COL5A1: variants seen among roughly 807,000 people sequenced by gnomAD.
The protein encoded by COL5A1 is collagen alpha-1(V) chain.
Under a neutral mutation model 263.7 loss-of-function variants are expected in COL5A1, and 16 were observed. The ratio of observed to expected loss-of-function variants is 0.06; its 90% CI spans 0.04 to 0.09. The LOEUF (loss-of-function observed/expected upper bound fraction) is 0.09, where lower values mean the gene tolerates loss of function less well. Among genes scored for constraint, COL5A1 ranks in the 10% least tolerant of loss-of-function variants. The pLI, the probability that COL5A1 is intolerant of heterozygous loss-of-function variation, is 1.00. For missense variants in COL5A1, 2,036 were observed against 2,540.5 expected, an observed-to-expected ratio of 0.80 and a Z score of 4.27; for synonymous variants, 1,012 against 1,004.5, an observed-to-expected ratio of 1.01 and a Z score of -0.14.
intron 18 of COL5A1, among the ~76,000 whole-genome samples, chr9:134,760,298 C>A (rs1447526486): frequency 1.0e-5 from 1 of 96,116 alleles, no homozygotes; most frequent in African/African-American, 5.1e-5. Flanking sequence ...CACCCCCACA[C>A]CCCCCACACA....
chr9:134,760,108 T>C (rs1190742359), intron 18 of COL5A1, among the ~76,000 whole-genome samples: 1 of 54,678 alleles, frequency 1.8e-5, no homozygotes, highest in African/African-American at 7.6e-5. Flanking sequence ...ACCCCCACAC[T>C]CATACACGCC....
At chr9:134,708,876 C>A in intron 4 of COL5A1, 1 of 456,614 alleles carries the variant, frequency 2.2e-6, no homozygotes, top group South Asian at 1.5e-5. Flanking sequence ...GGGGACTCTG[C>A]CTGCCGCTTC....
At position 134,753,956 on chromosome 9, in the gene COL5A1, G is replaced by A. The variant is rs571365700; in HGVS notation, c.1773+53G>A. 4.0e-5 allele frequency: 60 copies of A among 1,496,950 alleles called. No homozygotes were observed. The African/African-American group carries it at 6.6e-4, about 16-fold the overall frequency. The allele number at this position is 1,496,950 out of a possible 1,614,324, so 92.7% of individuals were successfully genotyped here. On this transcript the variant is annotated intron_variant, in intron 15 of 65. Coordinates refer to ENST00000371817, the MANE Select transcript of COL5A1 (RefSeq NM_000093.5). ...TGGTGGGCGCCTCCCGTTCTCCGGC[G>A]GCAGCGACGGCGAGCATGGAGGGAC...
intron 27 of COL5A1, among the ~76,000 whole-genome samples, chr9:134,776,821 C>T (rs1837070628): frequency 6.6e-6 from 1 of 152,226 alleles, no homozygotes; most frequent in Non-Finnish European, 1.5e-5. Context: ...ACAGCACCAG[C>T]AGATGCAGTG....
At chr9:134,806,057 C>T in intron 41 of COL5A1, 132 bp from the exon 42 acceptor site, 2 of 711,784 alleles carry the variant, frequency 2.8e-6, no homozygotes, top group East Asian at 2.7e-5. Context: ...TCTGTGCTTG[C>T]AAAGGGCCAT....
At chr9:134,708,299 C>T (rs941092625) in intron 4 of COL5A1, among the ~76,000 whole-genome samples, 1 of 152,286 alleles carries the variant, frequency 6.6e-6, no homozygotes, top group South Asian at 2.1e-4. Context: ...CATGGATAGG[C>T]CAGGTGTCCC....
chr9:134,775,019 T>G (rs552989010), intron 27 of COL5A1, 107 bp downstream of exon 27: 10 of 1,072,458 alleles, frequency 9.3e-6, no homozygotes, highest in Admixed American at 7.9e-5. Context: ...ATGTCCCTGC[T>G]ATTCAGTCTG....
rs967500021 is a variant in COL5A1, at chr9:134,680,924, G to T, written c.110-9988G>T. On this transcript the variant is annotated intron_variant, in intron 1 of 65. Coordinates refer to ENST00000371817, the MANE Select transcript of COL5A1 (RefSeq NM_000093.5). The surrounding 1 kb of genome is among the most constrained non-coding windows in gnomAD (Gnocchi z 5.9). ...TTTGGGCTCAGGTCTCCAGGTCTCC[G>T]CCTGGCACTGCAGCCTCGGGGGGCA... Among the ~76,000 whole-genome samples, 2 of 152,148 alleles carry T rather than the reference G, an allele frequency of 1.3e-5. No homozygotes were observed. The highest frequency in any genetic ancestry group is 2.9e-5 in the Non-Finnish European group (2 of 68,020).
intron 65 of COL5A1, among the ~76,000 whole-genome samples, chr9:134,835,842 C>T (rs757312718): frequency 7.9e-5 from 12 of 152,234 alleles, no homozygotes; most frequent in Admixed American, 2.6e-4. Context: ...GGCTCACCTC[C>T]GCTAAGGTCC....
At chr9:134,837,773 C>T (rs1279748354) in intron 65 of COL5A1, among the ~76,000 whole-genome samples, 1 of 152,062 alleles carries the variant, frequency 6.6e-6, no homozygotes, top group East Asian at 1.9e-4. Context: ...TGCCAAACGC[C>T]TCCAGAAACA....
At chr9:134,833,856 G>A (rs1369303411) in intron 64 of COL5A1, among the ~76,000 whole-genome samples, 1 of 152,236 alleles carries the variant, frequency 6.6e-6, no homozygotes, top group East Asian at 1.9e-4. Context: ...GTTGGAGCAT[G>A]ATGATAGGGA....
chr9:134,793,533 G>A (rs539695556), intron 32 of COL5A1, among the ~76,000 whole-genome samples: 33 of 152,302 alleles, frequency 2.2e-4, no homozygotes, highest in Admixed American at 6.5e-4. Context: ...AACTGCCAGG[G>A]CCCCAGCGCC....
chr9:134,702,729 G>A (rs1332344619), intron 4 of COL5A1, among the ~76,000 whole-genome samples: 1 of 152,226 alleles, frequency 6.6e-6, no homozygotes, highest in Non-Finnish European at 1.5e-5. Context: ...CTGTGAACTG[G>A]ACATTCAGCA....
chr9:134,701,374 A>G (rs771563739), intron 4 of COL5A1, 41 bp downstream of exon 4: 1 of 1,596,904 alleles, frequency 6.3e-7, no homozygotes, highest in African/African-American at 1.3e-5. Flanking sequence ...CCACCAGGGC[A>G]CTCCTCCTGT....
chr9:134,720,571 G>T (rs1329174845), intron 4 of COL5A1, among the ~76,000 whole-genome samples: 1 of 152,226 alleles, frequency 6.6e-6, no homozygotes, highest in Non-Finnish European at 1.5e-5. Context: ...ACACTGGGGA[G>T]TGGCTGCCGG....
intron 1 of COL5A1, among the ~76,000 whole-genome samples, chr9:134,676,726 T>C (rs1241104901): frequency 1.3e-5 from 1 of 76,988 alleles, no homozygotes; most frequent in Admixed American, 1.3e-4. Flanking sequence ...GGTGCTTCAT[T>C]GTTCACTTAT....
intron 9 of COL5A1, chr9:134,732,532 G>T: frequency 5.9e-6 from 2 of 340,340 alleles, no homozygotes; most frequent in South Asian, 3.4e-5. Context: ...CAGTGGTAGG[G>T]AATAGTTAAC....
chr9:134,750,500 T>C (rs764039946), intron 11 of COL5A1, 42 bp from the exon 12 acceptor site: 1 of 1,580,884 alleles, frequency 6.3e-7, no homozygotes, highest in Non-Finnish European at 8.7e-7. Flanking sequence ...AGCCCTGGCC[T>C]GGTTGCACTC....
At chr9:134,801,191 A>C (rs540916602) in intron 37 of COL5A1, among the ~76,000 whole-genome samples, 1 of 152,408 alleles carries the variant, frequency 6.6e-6, no homozygotes, top group East Asian at 1.9e-4. Flanking sequence ...AGCTAAAAAT[A>C]ACGCATCCAA....
Sources: gnomAD v4.1 joint callset for allele counts (sites outside exome capture counted in the v4.1 genomes callset) on GRCh38, gnomAD v4.1.1 for gene constraint, Gnocchi (gnomAD v3.1) non-coding constraint, MANE v1.5 for transcripts, NCBI Gene and HGNC (gene_info 2026-07-23, HGNC 2026-07-21) for gene names.